The following OBSL1 variants were observed in gnomAD, a reference collection of about 807,000 sequenced individuals.
OBSL1 encodes obscurin-like protein 1.
Under a neutral mutation model 172.0 loss-of-function variants are expected in OBSL1, and 160 were observed. The observed-to-expected ratio is 0.93, with a 90% confidence interval of 0.82 to 1.06. The LOEUF is 1.06. Ranked by LOEUF, OBSL1 falls within the 50% of genes least tolerant of loss-of-function variation. The probability of loss-of-function intolerance (pLI) is 0.00; values close to 1 mark genes in which losing one functional copy is unlikely to be tolerated. For missense variants in OBSL1, 2,681 were observed against 2,715.4 expected, an observed-to-expected ratio of 0.99 and a Z score of 0.28; for synonymous variants, 1,200 against 1,196.3, an observed-to-expected ratio of 1.00 and a Z score of -0.06.
In OBSL1 at chr2:219,570,221, C is replaced by CT. The variant is rs1313892029; in HGVS notation, c.1011dup (p.Glu338ArgfsTer17). The CT allele has an allele frequency of 6.4e-7, 1 of 1,552,244 alleles. No homozygotes were observed. Among genetic ancestry groups the CT allele is most frequent in the East Asian group, 2.3e-5 (1 of 44,088 alleles). ...CCCTAGGTCCCGGGCTCCGCCGTAC[C>CT]TTTCACGTGCAGCTGCACGGCACTG... On this transcript the variant is annotated frameshift_variant and splice_region_variant, in exon 1 of 21. Coordinates refer to ENST00000404537, the MANE Select transcript of OBSL1 (RefSeq NM_015311.3). LOFTEE classifies it high-confidence loss of function.
chr2:219,563,089 C>G (rs1269469311), intron 7 of OBSL1: 3 of 510,650 alleles, frequency 5.9e-6, no homozygotes, highest in Non-Finnish European at 1.0e-5. Flanking sequence ...GCAATAGACT[C>G]ACTGTCCCCA....
At chr2:219,548,039 G>C, downstream of OBSL1, 2 of 1,585,024 alleles carry the variant, frequency 1.3e-6, no homozygotes, top group Non-Finnish European at 1.7e-6. Flanking sequence ...GGGCGTTCTG[G>C]TGCAGTGGAG....
intron 8 of OBSL1, among the ~76,000 whole-genome samples, chr2:219,560,059 A>G (rs78250801): frequency 1.3e-5 from 2 of 152,238 alleles, no homozygotes; most frequent in Non-Finnish European, 1.5e-5. Context: ...GTGGATCTAC[A>G]ATAGCAAACA....
At position 219,559,596 on chromosome 2, in the gene OBSL1, G is replaced by GAATAATAAGTAAAAT. The variant is rs1214693135; in HGVS notation, c.2954-114_2954-100dup. The GAATAATAAGTAAAAT allele has an allele frequency of 1.9e-5, 20 of 1,056,356 alleles. No homozygotes were observed. In the African/African-American group the frequency reaches 3.0e-4, roughly 16 times the overall value. The allele number at this position is 1,056,356 out of a possible 1,614,324, so 65.4% of individuals were successfully genotyped here. A position where few individuals can be genotyped will look rare whatever the true frequency, so the allele number is the denominator to read the frequency against. On this transcript the variant is annotated intron_variant, in intron 8 of 20. Coordinates refer to ENST00000404537, the MANE Select transcript of OBSL1 (RefSeq NM_015311.3). ...GTCCCTATCACCCACATAATAATGA[G>GAATAATAAGTAAAAT]AATAATAAGTAAAATAATAATAAGC...
chr2:219,561,581 G>C, intron 8 of OBSL1: 2 of 429,158 alleles, frequency 4.7e-6, no homozygotes, highest in South Asian at 2.4e-5. Context: ...TGCAGTCCTA[G>C]AGGGAAGCGG....
Position 219,556,545 on chromosome 2 carries a change from G to C in OBSL1, c.4245C>G (p.Ile1415Met). 1 of 1,613,990 alleles carries C rather than the reference G, an allele frequency of 6.2e-7. No individual in the cohort carries two copies. The highest frequency in any genetic ancestry group is 8.5e-7 in the Non-Finnish European group (1 of 1,179,892). The change falls in exon 13 of 21, where the codon ATC (isoleucine) becomes ATG (methionine). Residue 1415 changes from isoleucine to methionine, a missense_variant. Around this residue, in one of 5 missense-constraint regions of OBSL1, gnomAD observed 1,765 missense variants for 1,748.3 expected, o/e 1.01. Coordinates refer to ENST00000404537, the MANE Select transcript of OBSL1 (RefSeq NM_015311.3). ...CCAGTTGGCAGCCTCGCAAGGTTAA[G>C]ATGCGGCTTGAACCATTCTGGGCCA... Reference protein sequence around the residue: ...VEMAQNGSSRILTLRGCQLGD... With the variant: ...VEMAQNGSSRMLTLRGCQLGD...
downstream of OBSL1, chr2:219,549,354 G>A (rs1393645661): frequency 5.6e-6 from 9 of 1,611,046 alleles, no homozygotes; most frequent in Non-Finnish European, 7.6e-6. Context: ...TCCTCTCCCC[G>A]GTGAGCTCCC....
chr2:219,557,026 C>T (rs1275180910), intron 12 of OBSL1: 1 of 483,284 alleles, frequency 2.1e-6, no homozygotes, highest in Non-Finnish European at 3.6e-6. Flanking sequence ...AAAGCACTAT[C>T]CCCTCTTTTC....
chr2:219,555,328 C>G (rs1206158828), intron 14 of OBSL1: 1 of 154,290 alleles, frequency 6.5e-6, no homozygotes, highest in Non-Finnish European at 1.4e-5. Context: ...GAGACAGGGT[C>G]TTGCTGTCAC....
chr2:219,557,255 C>T (rs568139583), intron 12 of OBSL1, 88 bp downstream of exon 12: 20 of 1,309,456 alleles, frequency 1.5e-5, no homozygotes, highest in East Asian at 7.8e-5. Flanking sequence ...AGCAGCAAAG[C>T]GGGGGTGGAG....
downstream of OBSL1, chr2:219,550,248 A>G (rs192962975): frequency 2.6e-3 from 525 of 200,818 alleles, no homozygotes; most frequent in African/African-American, 0.012. Flanking sequence ...CCCATGGGCC[A>G]CCTCCTGCAT....
At chr2:219,559,124 GGGAA>G in intron 9 of OBSL1, 97 bp downstream of exon 9, 1 of 1,169,568 alleles carries the variant, frequency 8.6e-7, no homozygotes, top group Non-Finnish European at 1.2e-6. Context: ...GCTGGATAAG[GGGAA>G]GGCTGGGGAT....
intron 14 of OBSL1, chr2:219,555,450 T>C (rs35372421): frequency 0.32 from 21,175 of 66,430 alleles, 1,703 homozygotes; most frequent in Admixed American, 0.41. Context: ...GGCTAATTTT[T>C]ATTTTTTTTT....
Position 219,561,971 on chromosome 2 carries a change from C to T in OBSL1, c.2953+431G>A, listed in dbSNP as rs769557742. 29 of 717,448 alleles carry T rather than the reference C, an allele frequency of 4.0e-5. No individual in the cohort carries two copies. Among genetic ancestry groups the T allele is most frequent in the Admixed American group, 3.0e-4 (15 of 49,992 alleles). The allele number at this position is 717,448 out of a possible 1,614,324, so 44.4% of individuals were successfully genotyped here. On this transcript the variant is annotated intron_variant, in intron 8 of 20. Coordinates refer to ENST00000404537, the MANE Select transcript of OBSL1 (RefSeq NM_015311.3). ...GCTTTTTCAAGAGGACGCATAACTC[C>T]GGATTGTTATTTGAACTGTCCTGAC...
chr2:219,570,653 G>A lies in OBSL1; in HGVS notation c.580C>T (p.Leu194=), dbSNP rs1061399. The change falls in exon 1 of 21, where the codon CTG becomes TTG. Residue 194 remains leucine (L), a synonymous_variant. Coordinates refer to ENST00000404537, the MANE Select transcript of OBSL1 (RefSeq NM_015311.3). ...AEDGPGASLA[L]RILAARLPDS... is the part of the protein sequence containing the mutation. ...GGCAGCCGAGCCGCCAGGATGCGCA[G>A]TGCCAGGCTCGCGCCGGGGCCGTCC... The A allele has an allele frequency of 0.43, 652,689 of 1,509,076 alleles. 144,815 individuals carry two copies. The highest frequency in any genetic ancestry group is 0.5 in the East Asian group (18,718 of 37,126). The allele number at this position is 1,509,076 out of a possible 1,614,324, so 93.5% of individuals were successfully genotyped here. A position where few individuals can be genotyped will look rare whatever the true frequency, so the allele number is the denominator to read the frequency against.
downstream of OBSL1, chr2:219,550,054 T>C (rs1284739643): frequency 1.5e-6 from 1 of 681,318 alleles, no homozygotes; most frequent in East Asian, 2.8e-5. Flanking sequence ...AAGAGGCTCC[T>C]GAGGAACTCG....
In OBSL1 at chr2:219,563,227, G is replaced by A. The variant is rs917104411; in HGVS notation, c.2680+128C>T. On this transcript the variant is annotated intron_variant, in intron 7 of 20. Coordinates refer to ENST00000404537, the MANE Select transcript of OBSL1 (RefSeq NM_015311.3). ...CCATAGCTTGAGGAGAAAGGGAGGA[G>A]GTCCGATCTGCCAGGGGGAGGGCAG... The A allele has an allele frequency of 4.4e-6, 4 of 908,748 alleles. No individual in the cohort carries two copies. In the African/African-American group the frequency reaches 5.0e-5, roughly 11 times the overall value. 56.3% of individuals were successfully genotyped at this position (908,748 alleles called of 1,614,324 possible). A position where few individuals can be genotyped will look rare whatever the true frequency, so the allele number is the denominator to read the frequency against.
At chr2:219,561,239 TG>T (rs1432249704) in intron 8 of OBSL1, among the ~76,000 whole-genome samples, 1 of 151,898 alleles carries the variant, frequency 6.6e-6, no homozygotes, top group African/African-American at 2.4e-5. Context: ...CGCAGTAGGA[TG>T]GGGGCTCCAG....
At chr2:219,570,008 A>T (rs1205155605) in intron 1 of OBSL1, among the ~76,000 whole-genome samples, 2 of 152,220 alleles carry the variant, frequency 1.3e-5, no homozygotes, top group African/African-American at 4.8e-5. Flanking sequence ...GGAATCATTT[A>T]AGGAGTTTGC....
Sources: allele counts gnomAD v4.1 joint callset (sites outside exome capture counted in the v4.1 genomes callset), GRCh38; gene constraint gnomAD v4.1.1; regional missense constraint gnomAD v4.1.1; transcripts MANE v1.5; gene names NCBI Gene and HGNC (gene_info 2026-07-23, HGNC 2026-07-21).